TENM2: variants seen among roughly 807,000 people sequenced by gnomAD.
TENM2 encodes the protein teneurin-2.
A neutral mutation model predicts 245.2 loss-of-function variants in TENM2; 52 were observed. The ratio of observed to expected loss-of-function variants is 0.21; its 90% CI spans 0.17 to 0.27. TENM2 has a LOEUF of 0.27. Among genes scored for constraint, TENM2 ranks in the 10% least tolerant of loss-of-function variants. The pLI, the probability that TENM2 is intolerant of heterozygous loss-of-function variation, is 1.00. For missense variants in TENM2, 3,046 were observed against 3,666.8 expected, an observed-to-expected ratio of 0.83 and a Z score of 4.37; for synonymous variants, 1,363 against 1,438.9, an observed-to-expected ratio of 0.95 and a Z score of 1.19.
At chr5:167,916,827 G>C (rs1417826928) in intron 3 of TENM2, among the ~76,000 whole-genome samples, 1 of 152,188 alleles carries the variant, frequency 6.6e-6, no homozygotes, top group Non-Finnish European at 1.5e-5. Flanking sequence ...TCCTTCTTGG[G>C]GTAAGCAAAA....
In TENM2 at chr5:167,722,801, C is replaced by CA. The variant is rs1188115745; in HGVS notation, c.503-153176dup. 2.1e-3 allele frequency among the ~76,000 whole-genome samples: 314 copies of CA among 150,538 alleles called. 3 individuals carry two copies. The highest frequency in any genetic ancestry group is 7.3e-3 in the Admixed American group (110 of 15,068). On this transcript the variant is annotated intron_variant, in intron 2 of 28. Coordinates refer to ENST00000518659, the Ensembl canonical transcript of TENM2. ...AAAAAACAAAACAAAACAAAACAAACAAAAAAAAACAACTTTTGAGCTAAG... is the reference window on the plus strand; with the variant it reads ...AAAAAACAAAACAAAACAAAACAAACAAAAAAAAAACAACTTTTGAGCTAAG...
intron 2 of TENM2, among the ~76,000 whole-genome samples, chr5:167,719,298 GTTC>G (rs1759468440): frequency 6.6e-6 from 1 of 152,220 alleles, no homozygotes; most frequent in African/African-American, 2.4e-5. Context: ...ACCAAGTCCT[GTTC>G]TTCTGTCAAT....
At chr5:168,263,076 T>A, downstream of TENM2, 1 of 402,920 alleles carries the variant, frequency 2.5e-6, no homozygotes, top group Non-Finnish European at 4.4e-6. Context: ...ATGTTCCAAG[T>A]TCCCCTAAAA....
At chr5:167,993,688 G>A (rs906614693) in intron 5 of TENM2, among the ~76,000 whole-genome samples, 1 of 152,198 alleles carries the variant, frequency 6.6e-6, no homozygotes, top group African/African-American at 2.4e-5. Context: ...ACAGGCTGGA[G>A]CATCCATCCA....
intron 3 of TENM2, among the ~76,000 whole-genome samples, chr5:167,920,927 A>G (rs967086128): frequency 3.9e-5 from 6 of 152,168 alleles, no homozygotes; most frequent in Non-Finnish European, 8.8e-5. Context: ...AATATGTTTG[A>G]AACTAGGTTA....
intron 7 of TENM2, among the ~76,000 whole-genome samples, chr5:168,068,015 T>C (rs1191570764): frequency 6.6e-6 from 1 of 152,162 alleles, no homozygotes; most frequent in Non-Finnish European, 1.5e-5. Flanking sequence ...CTTGGTTTCT[T>C]CTGAACTGGA....
intron 2 of TENM2, among the ~76,000 whole-genome samples, chr5:167,760,375 T>C (rs1762583122): frequency 6.6e-6 from 1 of 152,204 alleles, no homozygotes; most frequent in African/African-American, 2.4e-5. Flanking sequence ...TTTAATACAC[T>C]GTTGGAAGGC....
chr5:167,481,158 T>C (rs1767735996), intron 2 of TENM2, among the ~76,000 whole-genome samples: 1 of 152,172 alleles, frequency 6.6e-6, no homozygotes, highest in African/African-American at 2.4e-5. Context: ...AAAAAGGATA[T>C]ATAATTACAT....
intron 5 of TENM2, among the ~76,000 whole-genome samples, chr5:168,007,250 T>C (rs1469433775): frequency 1.3e-5 from 2 of 152,010 alleles, no homozygotes; most frequent in Non-Finnish European, 2.9e-5. Context: ...CGCCTCAGCC[T>C]CCCCAGTAGC....
intron 2 of TENM2, among the ~76,000 whole-genome samples, chr5:167,662,386 C>A (rs1755271260): frequency 6.6e-6 from 1 of 152,128 alleles, no homozygotes; most frequent in Admixed American, 6.5e-5. Flanking sequence ...ACTGATAACA[C>A]CCCGTTTTAC....
chr5:168,053,849 G>A (rs1351719261), intron 6 of TENM2, among the ~76,000 whole-genome samples: 3 of 152,118 alleles, frequency 2.0e-5, no homozygotes, highest in Non-Finnish European at 2.9e-5. Flanking sequence ...TCTGTCAGAC[G>A]TGGGTTTTGA....
At chr5:167,344,792 C>T (rs1171428870) in intron 1 of TENM2, among the ~76,000 whole-genome samples, 45 of 152,054 alleles carry the variant, frequency 3.0e-4, no homozygotes, top group Admixed American at 2.6e-3. Context: ...CATAACTGCT[C>T]TTTAATTTCT....
upstream of TENM2, among the ~76,000 whole-genome samples, chr5:167,284,360 G>T (rs560298578): frequency 8.2e-4 from 124 of 152,134 alleles, no homozygotes; most frequent in African/African-American, 5.8e-4. Context: ...TCTTTTGGAG[G>T]GGGGGTGGTA....
chr5:167,307,661 A>G (rs1185919702), intron 1 of TENM2, among the ~76,000 whole-genome samples: 1 of 152,232 alleles, frequency 6.6e-6, no homozygotes, highest in East Asian at 1.9e-4. Context: ...TTCAGTATTC[A>G]TTCAGCAACA....
chr5:167,846,919 T>G (rs1770095611), intron 2 of TENM2, among the ~76,000 whole-genome samples: 1 of 151,984 alleles, frequency 6.6e-6, no homozygotes, highest in African/African-American at 2.4e-5. Context: ...CAGAGAATCT[T>G]CCTTTTGGAT....
chr5:167,835,508 A>T (rs1327990689), intron 2 of TENM2, among the ~76,000 whole-genome samples: 1 of 152,172 alleles, frequency 6.6e-6, no homozygotes, highest in Non-Finnish European at 1.5e-5. Context: ...CTCTGCCTGA[A>T]TCTTTTCCCC....
At chr5:168,204,704 T>G (rs186328769) in intron 19 of TENM2, 83 bp downstream of exon 21, 3 of 1,535,046 alleles carry the variant, frequency 2.0e-6, no homozygotes, top group Non-Finnish European at 2.7e-6. Context: ...GGGCTGCATT[T>G]GGGATTCTCC....
At chr5:167,458,494 C>CAAAAA (rs70976430) in intron 2 of TENM2, among the ~76,000 whole-genome samples, 14 of 82,010 alleles carry the variant, frequency 1.7e-4, no homozygotes, top group Non-Finnish European at 2.3e-4. Flanking sequence ...CTCAAAAAAA[C>CAAAAA]AAAAAAAAAA....
the TENM2 span, among the ~76,000 whole-genome samples, chr5:167,209,809 C>G: frequency 6.2e-3 from 950 of 152,226 alleles, 10 homozygotes; most frequent in African/African-American, 0.021. Context: ...AGCAAGGTTG[C>G]GTTTTCTGAG....
Sources: gnomAD v4.1 joint callset for allele counts (sites outside exome capture counted in the v4.1 genomes callset) on GRCh38, gnomAD v4.1.1 for gene constraint, MANE v1.5 for transcripts, NCBI Gene and HGNC (gene_info 2026-07-23, HGNC 2026-07-21) for gene names.